Variants in TBC1D22A observed in about 807,000 individuals in gnomAD.
TBC1D22A encodes TBC1 domain family member 22A, also known as putative GTPase activator.
A neutral mutation model predicts 60.2 loss-of-function variants in TBC1D22A; 38 were observed. That is an observed-to-expected ratio of 0.63 (90% CI 0.49 to 0.83). The LOEUF (loss-of-function observed/expected upper bound fraction) is 0.83. Among genes scored for constraint, TBC1D22A ranks in the 40% least tolerant of loss-of-function variants. TBC1D22A has a pLI of 0.00. For missense variants in TBC1D22A, 628 were observed against 701.0 expected, an observed-to-expected ratio of 0.90 and a Z score of 1.18; for synonymous variants, 302 against 281.7, an observed-to-expected ratio of 1.07 and a Z score of -0.72.
At chr22:47,170,971 G>C (rs558742931) in intron 12 of TBC1D22A, among the ~76,000 whole-genome samples, 1 of 152,314 alleles carries the variant, frequency 6.6e-6, no homozygotes, top group Admixed American at 6.5e-5. Context: ...GATGGCCGGG[G>C]GGCCTGCCTC....
chr22:46,885,653 A>C (rs924334133), intron 5 of TBC1D22A, among the ~76,000 whole-genome samples: 3 of 152,012 alleles, frequency 2.0e-5, no homozygotes, highest in African/African-American at 7.2e-5. Flanking sequence ...CTTGAAGTAG[A>C]AGCTTGTTTC....
At chr22:46,791,179 C>G (rs757388569) in intron 1 of TBC1D22A, among the ~76,000 whole-genome samples, 41 of 152,192 alleles carry the variant, frequency 2.7e-4, no homozygotes, top group Non-Finnish European at 5.6e-4. Context: ...TCACCACGCC[C>G]AGCCAATTTT....
intron 1 of TBC1D22A, among the ~76,000 whole-genome samples, chr22:46,769,296 C>T (rs552992249): frequency 2.0e-5 from 3 of 152,278 alleles, no homozygotes; most frequent in Admixed American, 6.5e-5. Context: ...GGCCACAGTC[C>T]GTCCTCAGCC....
intron 4 of TBC1D22A, among the ~76,000 whole-genome samples, chr22:46,829,716 C>T (rs1415673634): frequency 2.0e-5 from 3 of 152,220 alleles, no homozygotes; most frequent in Non-Finnish European, 4.4e-5. Context: ...AGCGGCGTTT[C>T]TATGCCTCCA....
chr22:47,120,992 A>G lies in TBC1D22A; in HGVS notation c.1425+9389A>G, dbSNP rs144066424. On this transcript the variant is annotated intron_variant, in intron 12 of 12. Coordinates refer to ENST00000337137, the MANE Select transcript of TBC1D22A (RefSeq NM_014346.5). ...AAACAAAATTCAAAGGCAGTTGACA[A>G]AGTTCTTCATTCACAACGTAGCTTA... Among the ~76,000 whole-genome samples, 644 of 152,368 alleles carry G rather than the reference A, an allele frequency of 4.2e-3. 5 individuals are homozygous for G. Among genetic ancestry groups the G allele is most frequent in the Non-Finnish European group, 7.0e-3 (478 of 68,020 alleles).
chr22:46,776,297 G>A (rs570095107), intron 1 of TBC1D22A, among the ~76,000 whole-genome samples: 3 of 152,270 alleles, frequency 2.0e-5, no homozygotes, highest in Admixed American at 6.5e-5. Flanking sequence ...CTGGCGGGTC[G>A]CTGGCTACCT....
intron 1 of TBC1D22A, among the ~76,000 whole-genome samples, chr22:46,766,630 G>A (rs1379194009): frequency 1.3e-5 from 2 of 151,998 alleles, no homozygotes; most frequent in African/African-American, 2.4e-5. Flanking sequence ...CTGCCTCCCG[G>A]GTTCAAGTGA....
chr22:47,148,300 C>T (rs2295249), intron 12 of TBC1D22A, among the ~76,000 whole-genome samples: 79,621 of 149,840 alleles, frequency 0.53, 22,162 homozygotes, highest in East Asian at 0.75. Context: ...CCTCTGCAGC[C>T]GCTGGACGAG....
At chr22:46,953,300 G>A (rs1348739227) in intron 8 of TBC1D22A, among the ~76,000 whole-genome samples, 2 of 152,052 alleles carry the variant, frequency 1.3e-5, no homozygotes, top group Non-Finnish European at 2.9e-5. Context: ...GTTGGCCCCT[G>A]GGTTCCATGA....
intron 1 of TBC1D22A, among the ~76,000 whole-genome samples, chr22:46,781,228 C>T: frequency 6.6e-6 from 1 of 150,566 alleles, no homozygotes; most frequent in Non-Finnish European, 1.5e-5. Context: ...TGCTGGAGTG[C>T]AGTGGTGCGT....
chr22:46,902,041 G>T (rs1262720759), intron 7 of TBC1D22A, among the ~76,000 whole-genome samples: 1 of 152,214 alleles, frequency 6.6e-6, no homozygotes, highest in South Asian at 2.1e-4. Flanking sequence ...TGAACTGCTG[G>T]TGTTCTGGGC....
At chr22:46,878,934 G>A (rs1462760874) in intron 5 of TBC1D22A, among the ~76,000 whole-genome samples, 1 of 152,158 alleles carries the variant, frequency 6.6e-6, no homozygotes, top group South Asian at 2.1e-4. Flanking sequence ...ACAAGAATAG[G>A]TAATAATTAT....
intron 11 of TBC1D22A, among the ~76,000 whole-genome samples, chr22:47,055,175 T>G (rs981617547): frequency 6.6e-6 from 1 of 152,258 alleles, no homozygotes; most frequent in Non-Finnish European, 1.5e-5. Context: ...GGCTGGCCCT[T>G]GTGCCCTGCT....
intron 8 of TBC1D22A, 100 bp downstream of exon 8, chr22:46,912,288 G>A (rs991829335): frequency 3.3e-5 from 27 of 806,654 alleles, no homozygotes; most frequent in African/African-American, 8.8e-5. Context: ...TAAGTGTAAT[G>A]TTATTAATGA....
chr22:47,044,783 A>G (rs1414121760), intron 11 of TBC1D22A, among the ~76,000 whole-genome samples: 1 of 152,228 alleles, frequency 6.6e-6, no homozygotes, highest in Non-Finnish European at 1.5e-5. Flanking sequence ...GTGACAGTGA[A>G]GTCAGTGTCC....
chr22:46,785,905 C>T (rs996561318), intron 1 of TBC1D22A, among the ~76,000 whole-genome samples: 4 of 152,178 alleles, frequency 2.6e-5, no homozygotes, highest in Admixed American at 6.5e-5. Context: ...TTCAGCCTGC[C>T]ATGTAGCTGG....
rs13056720 is a variant in TBC1D22A, at chr22:47,170,865, A to G, written c.1426-2633A>G. Among the ~76,000 whole-genome samples the G allele has an allele frequency of 6.8e-5, 10 of 147,450 alleles. 2 individuals are homozygous for G. The highest frequency in any genetic ancestry group is 2.1e-4 in the South Asian group (1 of 4,692). On this transcript the variant is annotated intron_variant, in intron 12 of 12. Transcript: ENST00000337137. ...CTCCTGATGCAGGACCGGAGAGAGGACAGTCCTGGTGTGTAACCCTCCTGA... is the reference window on the plus strand; with the variant it reads ...CTCCTGATGCAGGACCGGAGAGAGGGCAGTCCTGGTGTGTAACCCTCCTGA...
chr22:47,025,682 T>A (rs2062229794), intron 10 of TBC1D22A, among the ~76,000 whole-genome samples: 1 of 152,200 alleles, frequency 6.6e-6, no homozygotes, highest in Non-Finnish European at 1.5e-5. Flanking sequence ...GTACTGAGTG[T>A]GTGAGAAGAG....
chr22:46,986,132 C>G (rs1006188243), intron 9 of TBC1D22A, among the ~76,000 whole-genome samples: 1 of 152,278 alleles, frequency 6.6e-6, no homozygotes, highest in Non-Finnish European at 1.5e-5. Flanking sequence ...CTACAGATAT[C>G]CTGGTGAACA....
Sources: gnomAD v4.1 joint callset for allele counts (sites outside exome capture counted in the v4.1 genomes callset) on GRCh38, gnomAD v4.1.1 for gene constraint, MANE v1.5 for transcripts, NCBI Gene and HGNC (gene_info 2026-07-23, HGNC 2026-07-21) for gene names.